The following NCS1 variants were observed in gnomAD, a reference collection of about 807,000 sequenced individuals.
The protein encoded by NCS1 is frequenin homolog.
In NCS1, 6 loss-of-function variants were observed where a neutral mutation model predicts 28.4. The ratio of observed to expected loss-of-function variants is 0.21; its 90% CI spans 0.12 to 0.42. The LOEUF is 0.42. NCS1 is among the 10% of genes least tolerant of loss of function. NCS1 has a pLI of 1.00. For synonymous variants in NCS1, 86 were observed against 99.3 expected (o/e 0.87, Z 0.79); for missense variants, 131 against 241.4 (o/e 0.54, Z 3.03).
chr9:130,196,234 G>T (rs1244341579), intron 1 of NCS1, among the ~76,000 whole-genome samples: 1 of 152,210 alleles, frequency 6.6e-6, no homozygotes, highest in Non-Finnish European at 1.5e-5. Context: ...CAGTGGTTAT[G>T]GGGTGAAGAG....
intron 1 of NCS1, among the ~76,000 whole-genome samples, chr9:130,199,887 C>T (rs1264855767): frequency 3.3e-5 from 4 of 122,182 alleles, no homozygotes; most frequent in African/African-American, 1.3e-4. Flanking sequence ...CCTTTCCTGT[C>T]TGTTCATGTG....
intron 1 of NCS1, among the ~76,000 whole-genome samples, chr9:130,184,971 CAAAA>C (rs781980341): frequency 7.3e-6 from 1 of 136,214 alleles, no homozygotes. Context: ...GACTCCGTCT[CAAAA>C]AAAAAAAAAG....
chr9:130,221,401 T>TAGAGAG (rs1564713668), intron 4 of NCS1, among the ~76,000 whole-genome samples: 4 of 45,066 alleles, frequency 8.9e-5, no homozygotes, highest in Admixed American at 6.2e-4. Flanking sequence ...TATATATATA[T>TAGAGAG]ATATATATAT....
chr9:130,190,745 T>G (rs1467945049), intron 1 of NCS1, among the ~76,000 whole-genome samples: 2 of 151,576 alleles, frequency 1.3e-5, no homozygotes, highest in Admixed American at 1.3e-4. Flanking sequence ...GACTCTGGAG[T>G]CGATAAACCT....
At position 130,226,587 on chromosome 9, in the gene NCS1, G is replaced by GTAAT; in HGVS notation, c.*17+86_*17+89dup. 1 of 1,024,746 alleles carries GTAAT rather than the reference G, an allele frequency of 9.8e-7. No individual in the cohort carries two copies. The highest frequency in any genetic ancestry group is 1.4e-5 in the South Asian group (1 of 71,076). The allele number at this position is 1,024,746 out of a possible 1,614,324, so 63.5% of individuals were successfully genotyped here. A position where few individuals can be genotyped will look rare whatever the true frequency, so the allele number is the denominator to read the frequency against. ...GCAGCAGGACACCTACGGTTGGCAG[G>GTAAT]TAATTACCTGGGTCTCTGGGGGTGT... On this transcript the variant is annotated intron_variant, in intron 7 of 7. Transcript: ENST00000372398. This position sits in a 1 kb window ranked among gnomAD's most constrained non-coding sequence, Gnocchi z 4.8.
rs373792982 is a variant in NCS1, at chr9:130,209,845, A to G, written c.90-7987A>G. ...CTGGTTCCCAAACACAGTCAACCAT[A>G]TCAGAAACCTCGGCTTCCCGTGGCT... On this transcript the variant is annotated intron_variant, in intron 2 of 7. Coordinates refer to ENST00000372398, the MANE Select transcript of NCS1 (RefSeq NM_014286.4). This position sits in a 1 kb window ranked among gnomAD's most constrained non-coding sequence, Gnocchi z 4.4. Among the ~76,000 whole-genome samples, 14 of 152,098 alleles carry G rather than the reference A, an allele frequency of 9.2e-5. No individual in the cohort carries two copies. Among genetic ancestry groups the G allele is most frequent in the Admixed American group, 7.9e-4 (12 of 15,262 alleles).
intron 1 of NCS1, among the ~76,000 whole-genome samples, chr9:130,193,271 G>A (rs1333179967): frequency 1.3e-5 from 2 of 152,124 alleles, no homozygotes; most frequent in African/African-American, 4.8e-5. Context: ...AGGCTGGAGA[G>A]GCTGGAGACG....
chr9:130,176,268 C>A (rs1425893505), intron 1 of NCS1, among the ~76,000 whole-genome samples: 1 of 149,018 alleles, frequency 6.7e-6, no homozygotes, highest in Non-Finnish European at 1.5e-5. Context: ...TCATGGCTCA[C>A]TTAAACCTTG....
At position 130,181,098 on chromosome 9, in the gene NCS1, C is replaced by T. The variant is rs1832647365; in HGVS notation, c.64+8371C>T. Reference sequence around the variant, plus strand: ...TGGGACTCAGTTTCCCTTTCTGTACCATGTTCAAATTCCCAGATAGTGAGA... The same window carrying T: ...TGGGACTCAGTTTCCCTTTCTGTACTATGTTCAAATTCCCAGATAGTGAGA... On this transcript the variant is annotated intron_variant, in intron 1 of 7. Coordinates refer to ENST00000372398, the MANE Select transcript of NCS1 (RefSeq NM_014286.4). This position sits in a 1 kb window ranked among gnomAD's most constrained non-coding sequence, Gnocchi z 5.0. Among the ~76,000 whole-genome samples, 1 of 152,148 alleles carries T rather than the reference C, an allele frequency of 6.6e-6. No homozygotes were observed. The highest frequency in any genetic ancestry group is 2.4e-5 in the African/African-American group (1 of 41,416).
chr9:130,221,451 G>GAGAGAA (rs1194707277), intron 4 of NCS1, among the ~76,000 whole-genome samples: 22 of 138,060 alleles, frequency 1.6e-4, no homozygotes, highest in African/African-American at 6.0e-4. Context: ...GAGAGAGAGA[G>GAGAGAA]AAAGAGAGAG....
At chr9:130,222,125 TGTG>T (rs1833336715) in intron 4 of NCS1, among the ~76,000 whole-genome samples, 1 of 134,282 alleles carries the variant, frequency 7.4e-6, no homozygotes, top group East Asian at 2.3e-4. Flanking sequence ...TATATATATA[TGTG>T]TATATATATA....
Position 130,223,168 on chromosome 9 carries a change from G to A in NCS1, c.474+9G>A, listed in dbSNP as rs782653588. The A allele has an allele frequency of 8.8e-6, 14 of 1,596,780 alleles. No individual in the cohort carries two copies. The highest frequency in any genetic ancestry group is 1.0e-5 in the Non-Finnish European group (12 of 1,164,498). ...TTGCCATGATGGATAAGGTGAGGTG[G>A]GGGGGCGGGGCTGGTCCTGGACCAG... On this transcript the variant is annotated intron_variant, in intron 6 of 7. Coordinates refer to ENST00000372398, the MANE Select transcript of NCS1 (RefSeq NM_014286.4).
chr9:130,203,598 G>T (rs1012492059), intron 2 of NCS1, among the ~76,000 whole-genome samples: 2 of 152,178 alleles, frequency 1.3e-5, no homozygotes, highest in Admixed American at 6.5e-5. Flanking sequence ...GATTGTGGCT[G>T]CTCATGACCA....
In NCS1 at chr9:130,215,954, C is replaced by G. The variant is rs1463736306; in HGVS notation, c.90-1878C>G. Among the ~76,000 whole-genome samples the G allele has an allele frequency of 2.0e-5, 3 of 152,160 alleles. No individual in the cohort carries two copies. The highest frequency in any genetic ancestry group is 4.4e-5 in the Non-Finnish European group (3 of 68,022). On this transcript the variant is annotated intron_variant, in intron 2 of 7. Transcript: ENST00000372398. This position sits in a 1 kb window ranked among gnomAD's most constrained non-coding sequence, Gnocchi z 4.2. Reference sequence around the variant, plus strand: ...CTGCCCTCCCCCATCCTCCTCCTCCCCTCAACCGCCCTCACTCCGGCAGCA... The same window carrying G: ...CTGCCCTCCCCCATCCTCCTCCTCCGCTCAACCGCCCTCACTCCGGCAGCA...
intron 2 of NCS1, among the ~76,000 whole-genome samples, chr9:130,201,887 C>A (rs1054630733): frequency 6.6e-6 from 1 of 152,282 alleles, no homozygotes; most frequent in South Asian, 2.1e-4. Flanking sequence ...CTAGAAACAC[C>A]CTCCTTCTAG....
chr9:130,203,542 G>A (rs1554907707), intron 2 of NCS1, among the ~76,000 whole-genome samples: 2 of 152,196 alleles, frequency 1.3e-5, no homozygotes, highest in African/African-American at 4.8e-5. Context: ...TGGCCGGTAA[G>A]GGACAGACGT....
rs1408848494 is a variant in NCS1 at position 130,219,717 on chromosome 9, C to T, written c.229-8C>T. On this transcript the variant is annotated splice_region_variant and splice_polypyrimidine_tract_variant and intron_variant, in intron 3 of 7. Transcript: ENST00000372398. This position sits in a 1 kb window ranked among gnomAD's most constrained non-coding sequence, Gnocchi z 5.7. ...CTGACTGAGGCAATCCCCTCTCTCT[C>T]CTGTCAGGACGGGCGAATTGAGTTC... 7 of 1,614,048 alleles carry T rather than the reference C, an allele frequency of 4.3e-6. No individual in the cohort carries two copies. The East Asian group carries it at 1.1e-4, about 26-fold the overall frequency.
Position 130,223,177 on chromosome 9 carries a change from G to C in NCS1, c.474+18G>C, listed in dbSNP as rs371419168. 2 of 1,603,982 alleles carry C rather than the reference G, an allele frequency of 1.2e-6. No individual in the cohort carries two copies. Among genetic ancestry groups the C allele is most frequent in the African/African-American group, 2.7e-5 (2 of 74,608 alleles). On this transcript the variant is annotated intron_variant, in intron 6 of 7. Coordinates refer to ENST00000372398, the MANE Select transcript of NCS1 (RefSeq NM_014286.4). ...TGGATAAGGTGAGGTGGGGGGGCGG[G>C]GCTGGTCCTGGACCAGGGAGGCAAG... is the stretch of plus-strand genomic sequence containing the variant.
At chr9:130,193,488 G>C (rs1423209666) in intron 1 of NCS1, among the ~76,000 whole-genome samples, 3 of 152,194 alleles carry the variant, frequency 2.0e-5, no homozygotes, top group Non-Finnish European at 2.9e-5. Flanking sequence ...AGCCAGGTTG[G>C]ATGGGACTTG....
Sources: allele counts gnomAD v4.1 joint callset (sites outside exome capture counted in the v4.1 genomes callset), GRCh38; gene constraint gnomAD v4.1.1; non-coding constraint Gnocchi (gnomAD v3.1); transcripts MANE v1.5; gene names NCBI Gene and HGNC (gene_info 2026-07-23, HGNC 2026-07-21).